Variants in IL2RA observed in about 807,000 individuals in gnomAD.
IL2RA encodes the protein interleukin 2 receptor subunit alpha, also known as interleukin-2 receptor subunit alpha.
In IL2RA, 24 loss-of-function variants were observed where a neutral mutation model predicts 37.8. The ratio of observed to expected loss-of-function variants is 0.63; its 90% confidence interval spans 0.46 to 0.89. The LOEUF (loss-of-function observed/expected upper bound fraction) is 0.89. Ranked by LOEUF, IL2RA falls within the 40% of genes least tolerant of loss-of-function variation. IL2RA has a pLI of 0.00. For synonymous variants in IL2RA, 125 were observed against 114.6 expected (o/e 1.09, Z -0.58); for missense variants, 319 against 348.6 (o/e 0.92, Z 0.68).
intron 1 of IL2RA, among the ~76,000 whole-genome samples, chr10:6,042,147 G>GAAAAAAAAAAAAAAA (rs1564549478): frequency 8.3e-4 from 1 of 1,210 alleles, no homozygotes; most frequent in African/African-American, 2.2e-3. Flanking sequence ...AATGTATTAA[G>GAAAAAAAAAAAAAAA]CAAAAAAAAA....
chr10:6,042,846 A>C (rs1349581075), intron 1 of IL2RA, among the ~76,000 whole-genome samples: 1 of 152,208 alleles, frequency 6.6e-6, no homozygotes, highest in African/African-American at 2.4e-5. Context: ...AAAAATGTTA[A>C]AATTTCCCTA....
In IL2RA at chr10:6,054,972, C is replaced by T. The variant is rs1336170963; in HGVS notation, c.64+7116G>A. Among the ~76,000 whole-genome samples the T allele has an allele frequency of 6.6e-6, 1 of 152,152 alleles. No individual in the cohort carries two copies. The highest frequency in any genetic ancestry group is 2.4e-5 in the African/African-American group (1 of 41,426). ...TTGGCCTCCCAAAGTGCAGGTATTA[C>T]AGGCATGAGCTATCACACTCAGCCT... On this transcript the variant is annotated intron_variant, in intron 1 of 7. Transcript: ENST00000379959. This position sits in a 1 kb window ranked among gnomAD's most constrained non-coding sequence, Gnocchi z 4.5.
rs1455586426 is a variant in IL2RA at position 6,020,756 on chromosome 10, C to T, written c.583+722G>A. Among the ~76,000 whole-genome samples, 1 of 152,190 alleles carries T rather than the reference C, an allele frequency of 6.6e-6. No individual in the cohort carries two copies. Among genetic ancestry groups the T allele is most frequent in the Non-Finnish European group, 1.5e-5 (1 of 68,048 alleles). On this transcript the variant is annotated intron_variant, in intron 4 of 7. Transcript: ENST00000379959. This position sits in a 1 kb window ranked among gnomAD's most constrained non-coding sequence, Gnocchi z 5.6. ...CCATGTTGGCCAGGCTGGTCTCGAA[C>T]TCCTGACCTAAAGTGATCTGCCCGC...
Position 6,012,179 on chromosome 10 carries a change from A to G in IL2RA, c.*693T>C, listed in dbSNP as rs1376357524. 1 of 152,710 alleles carries G rather than the reference A, an allele frequency of 6.5e-6. No individual in the cohort carries two copies. The highest frequency in any genetic ancestry group is 1.5e-5 in the Non-Finnish European group (1 of 68,386). 9.5% of individuals were successfully genotyped at this position (152,710 alleles called of 1,614,324 possible). On this transcript the variant is annotated 3_prime_UTR_variant, in exon 8 of 8. Coordinates refer to ENST00000379959, the MANE Select transcript of IL2RA (RefSeq NM_000417.3). This position sits in a 1 kb window ranked among gnomAD's most constrained non-coding sequence, Gnocchi z 4.8. ...ATCCTTCTGTTCCTGACATTGCCTC[A>G]TGGGTTTGGCTGCCCCGTTTTGAAG...
chr10:6,017,785 C>T (rs1022253577), intron 7 of IL2RA, among the ~76,000 whole-genome samples: 3 of 152,112 alleles, frequency 2.0e-5, no homozygotes, highest in East Asian at 1.9e-4. Flanking sequence ...CCATGTTGGC[C>T]AGGCTTGTCT....
At chr10:6,030,146 G>A (rs765325343) in intron 1 of IL2RA, among the ~76,000 whole-genome samples, 1 of 152,176 alleles carries the variant, frequency 6.6e-6, no homozygotes, top group Non-Finnish European at 1.5e-5. Flanking sequence ...TTGGCATGCT[G>A]TAAGACAATA....
Position 6,015,372 on chromosome 10 carries a change from C to A in IL2RA, c.795-2476G>T, listed in dbSNP as rs573613334. Among the ~76,000 whole-genome samples the A allele has an allele frequency of 6.6e-6, 1 of 152,110 alleles. No individual in the cohort carries two copies. The highest frequency in any genetic ancestry group is 1.5e-5 in the Non-Finnish European group (1 of 68,026). ...CCTCCCAAAGTGCTGGGATTACAAG[C>A]GTGAGTCTGGCCAGCTTCCCTGATT... On this transcript the variant is annotated intron_variant, in intron 7 of 7. Coordinates refer to ENST00000379959, the MANE Select transcript of IL2RA (RefSeq NM_000417.3). The surrounding 1 kb of genome is among the most constrained non-coding windows in gnomAD (Gnocchi z 4.9).
rs1460033048 is a variant in IL2RA, at chr10:6,059,995, TGAA to T, written c.64+2090_64+2092del. Among the ~76,000 whole-genome samples, 13 of 152,190 alleles carry T rather than the reference TGAA, an allele frequency of 8.5e-5. No individual in the cohort carries two copies. The East Asian group carries it at 2.3e-3, about 27-fold the overall frequency. ...GTATGGATAGATGTTGAGAATGGCGTGAAGGAGTCCTTATGGGACTCTAGTTCC... is the reference window on the plus strand; with the variant it reads ...GTATGGATAGATGTTGAGAATGGCGTGGAGTCCTTATGGGACTCTAGTTCC... On this transcript the variant is annotated intron_variant, in intron 1 of 7. Transcript: ENST00000379959.
intron 1 of IL2RA, 106 bp downstream of exon 1, chr10:6,061,982 T>C: frequency 1.1e-6 from 1 of 937,454 alleles, no homozygotes; most frequent in Non-Finnish European, 1.7e-6. Context: ...AAGATTCAAC[T>C]CCCTTCTTGG....
intron 1 of IL2RA, among the ~76,000 whole-genome samples, chr10:6,051,730 G>T (rs1161766627): frequency 7.1e-6 from 1 of 141,306 alleles, no homozygotes; most frequent in Non-Finnish European, 1.5e-5. Context: ...ATGTTGGTCA[G>T]CTGTTCTCGA....
At chr10:6,052,007 T>C (rs1240912192) in intron 1 of IL2RA, among the ~76,000 whole-genome samples, 1 of 151,188 alleles carries the variant, frequency 6.6e-6, no homozygotes, top group Non-Finnish European at 1.5e-5. Context: ...CTGTCCATTA[T>C]GAAAGGTGCT....
At chr10:6,041,644 G>T (rs1454876091) in intron 1 of IL2RA, among the ~76,000 whole-genome samples, 1 of 152,130 alleles carries the variant, frequency 6.6e-6, no homozygotes, top group Non-Finnish European at 1.5e-5. Flanking sequence ...AAAGACAGAG[G>T]TATTCTGATT....
chr10:6,014,114 C>G lies in IL2RA; in HGVS notation c.795-1218G>C, dbSNP rs1839238171. On this transcript the variant is annotated intron_variant, in intron 7 of 7. Coordinates refer to ENST00000379959, the MANE Select transcript of IL2RA (RefSeq NM_000417.3). This position sits in a 1 kb window ranked among gnomAD's most constrained non-coding sequence, Gnocchi z 4.4. ...AATTACAGGCAGGAGCTACTGCTCC[C>G]AGCCTAAATACTTTAATTTTCCATA... Among the ~76,000 whole-genome samples the G allele has an allele frequency of 1.3e-5, 2 of 152,142 alleles. No individual in the cohort carries two copies. Among genetic ancestry groups the G allele is most frequent in the South Asian group, 2.1e-4 (1 of 4,834 alleles).
intron 1 of IL2RA, among the ~76,000 whole-genome samples, chr10:6,043,707 G>A (rs1839807964): frequency 6.6e-6 from 1 of 152,052 alleles, no homozygotes; most frequent in African/African-American, 2.4e-5. Context: ...CAAGGTGCTG[G>A]GATTACAGGC....
At chr10:6,032,605 A>G (rs1839616196) in intron 1 of IL2RA, among the ~76,000 whole-genome samples, 1 of 151,948 alleles carries the variant, frequency 6.6e-6, no homozygotes, top group Non-Finnish European at 1.5e-5. Context: ...AGGCAGGAGA[A>G]TGGCGTGAAC....
In IL2RA at chr10:6,022,218, T is replaced by C. The variant is rs11596355; in HGVS notation, c.368-525A>G. Among the ~76,000 whole-genome samples, 9,746 of 152,056 alleles carry C rather than the reference T, an allele frequency of 0.064. 402 individuals are homozygous for C. The highest frequency in any genetic ancestry group is 0.11 in the South Asian group (503 of 4,790). On this transcript the variant is annotated intron_variant, in intron 3 of 7. Transcript: ENST00000379959. This position sits in a 1 kb window ranked among gnomAD's most constrained non-coding sequence, Gnocchi z 4.7. ...GCATCTTGGGATGATGTCGGAAGGA[T>C]TGGGGACAACACCAAAGCCAGGAGG...
intron 3 of IL2RA, 21 bp downstream of exon 3, chr10:6,024,223 G>A (rs368295922): frequency 2.0e-6 from 3 of 1,509,386 alleles, no homozygotes; most frequent in Non-Finnish European, 2.8e-6. Flanking sequence ...GAGTTAGCTG[G>A]AGGACAGATT....
At position 6,018,352 on chromosome 10, in the gene IL2RA, C is replaced by T. The variant is rs527525530; in HGVS notation, c.728-233G>A. ...AGGGAGCTTCCCCTCAGGAGGCACC[C>T]TTCTCTCACAAAAGCCCCTCAGAAA... is the stretch of plus-strand genomic sequence containing the variant. On this transcript the variant is annotated intron_variant, in intron 6 of 7. Coordinates refer to ENST00000379959, the MANE Select transcript of IL2RA (RefSeq NM_000417.3). This position sits in a 1 kb window ranked among gnomAD's most constrained non-coding sequence, Gnocchi z 5.1. Among the ~76,000 whole-genome samples, 1 of 152,168 alleles carries T rather than the reference C, an allele frequency of 6.6e-6. No individual in the cohort carries two copies. Among genetic ancestry groups the T allele is most frequent in the East Asian group, 1.9e-4 (1 of 5,170 alleles).
At chr10:6,017,977 G>T (rs1043644881) in intron 7 of IL2RA, 76 bp downstream of exon 7, 1 of 1,148,412 alleles carries the variant, frequency 8.7e-7, no homozygotes, top group Non-Finnish European at 1.3e-6. Context: ...CATGGAGGGG[G>T]TAGGGGGGAG....
Sources: allele counts gnomAD v4.1 joint callset (sites outside exome capture counted in the v4.1 genomes callset), GRCh38; gene constraint gnomAD v4.1.1; non-coding constraint Gnocchi (gnomAD v3.1); transcripts MANE v1.5; gene names NCBI Gene and HGNC (gene_info 2026-07-23, HGNC 2026-07-21).